IL19: variants seen among roughly 807,000 people sequenced by gnomAD.
IL19 encodes the protein interleukin 19.
In IL19, 15 loss-of-function variants were observed where a neutral mutation model predicts 19.5. The ratio of observed to expected loss-of-function variants is 0.77; its 90% CI spans 0.52 to 1.19. The LOEUF is 1.19. Ranked by LOEUF, IL19 falls within the 50% of genes most tolerant of loss-of-function variation. The pLI is 0.00. For synonymous variants in IL19, 78 were observed against 78.3 expected (o/e 1.00, Z 0.02); for missense variants, 199 against 213.1 (o/e 0.93, Z 0.41).
chr1:206,805,071 A>G (rs1675811472), intron 2 of IL19, among the ~76,000 whole-genome samples: 1 of 152,238 alleles, frequency 6.6e-6, no homozygotes, highest in African/African-American at 2.4e-5. Context: ...CTTCTAGAGT[A>G]CACACCTGTA....
At chr1:206,799,054 G>A in intron 2 of IL19, 48 bp downstream of exon 2, 1 of 1,253,490 alleles carries the variant, frequency 8.0e-7, no homozygotes, top group Non-Finnish European at 1.2e-6. Flanking sequence ...CCATTCTCTG[G>A]GACCAGAGAT....
At chr1:206,782,359 C>T (rs1424463449) in intron 1 of IL19, among the ~76,000 whole-genome samples, 1 of 151,970 alleles carries the variant, frequency 6.6e-6, no homozygotes, top group Non-Finnish European at 1.5e-5. Flanking sequence ...AGAATTTTCC[C>T]CTGGAAAAGG....
chr1:206,839,639 A>T (rs562005311), intron 4 of IL19, among the ~76,000 whole-genome samples: 1 of 152,330 alleles, frequency 6.6e-6, no homozygotes, highest in Admixed American at 6.5e-5. Context: ...CCATACAGAA[A>T]AAGGGGAGAA....
At chr1:206,824,253 A>G (rs1572567861) in intron 2 of IL19, among the ~76,000 whole-genome samples, 1 of 152,336 alleles carries the variant, frequency 6.6e-6, no homozygotes, top group Non-Finnish European at 1.5e-5. Context: ...TGATCCTTCA[A>G]TCATTGAGCC....
At position 206,770,904 on chromosome 1, in the gene IL19, T is replaced by C; in HGVS notation, c.-323T>C. The C allele has an allele frequency of 6.2e-7, 1 of 1,613,962 alleles. No individual in the cohort carries two copies. The highest frequency in any genetic ancestry group is 8.5e-7 in the Non-Finnish European group (1 of 1,179,856). The stretch of plus-strand genomic sequence containing the variant: ...CAAGGGAAAAAACTGATCTGCTACT[T>C]ACACAGCGCCGTAGCCTCAGCCTGA... On this transcript the variant is annotated 5_prime_UTR_variant, in exon 1 of 7. Coordinates refer to ENST00000659997, the MANE Select transcript of IL19 (RefSeq NM_153758.5).
chr1:206,771,159 C>T, intron 1 of IL19, 81 bp downstream of exon 1: 1 of 1,384,378 alleles, frequency 7.2e-7, no homozygotes, highest in Admixed American at 1.7e-5. Context: ...TCTAGCGATC[C>T]TCCTTCACCA....
chr1:206,797,084 A>G (rs1191636723), intron 1 of IL19, among the ~76,000 whole-genome samples: 1 of 152,158 alleles, frequency 6.6e-6, no homozygotes, highest in Non-Finnish European at 1.5e-5. Context: ...GTCAGCCTCT[A>G]AGGGTCAGGG....
intron 4 of IL19, 50 bp downstream of exon 4, chr1:206,837,073 T>A: frequency 6.9e-7 from 1 of 1,451,344 alleles, no homozygotes; most frequent in South Asian, 1.2e-5. Context: ...CATGTCTAAA[T>A]GGCTCTGGGC....
rs1366418768 is a variant in IL19 at position 206,775,353 on chromosome 1, G to A, written c.-149+4275G>A. On this transcript the variant is annotated intron_variant, in intron 1 of 6. Transcript: ENST00000659997. The stretch of plus-strand genomic sequence containing the variant: ...AGGCATGAGCCACTGTGCCCGGCCC[G>A]GATCTGACTTCTTTATTTGTTCTGA... Among the ~76,000 whole-genome samples, 7 of 152,064 alleles carry A rather than the reference G, an allele frequency of 4.6e-5. No homozygotes were observed. The South Asian group carries it at 6.2e-4, about 14-fold the overall frequency.
chr1:206,819,906 TG>T (rs1348593269), intron 2 of IL19, among the ~76,000 whole-genome samples: 1 of 152,234 alleles, frequency 6.6e-6, no homozygotes, highest in Non-Finnish European at 1.5e-5. Flanking sequence ...AGTTACTAAC[TG>T]GTATACCTAA....
At chr1:206,821,059 A>C (rs2138992) in intron 2 of IL19, among the ~76,000 whole-genome samples, 110,891 of 152,086 alleles carry the variant, frequency 0.73, 41,098 homozygotes, top group Non-Finnish European at 0.8. Flanking sequence ...CAAAGCACTT[A>C]TACCACTGTA....
intron 2 of IL19, among the ~76,000 whole-genome samples, chr1:206,827,149 C>G (rs1461535387): frequency 6.6e-6 from 1 of 151,896 alleles, no homozygotes; most frequent in African/African-American, 2.4e-5. Context: ...TAGCAAAGGA[C>G]AGACTGAATA....
At chr1:206,829,236 A>G (rs1346335753) in intron 2 of IL19, 1 of 152,188 alleles carries the variant, frequency 6.6e-6, no homozygotes, top group Non-Finnish European at 1.5e-5. Flanking sequence ...CAAGACACCC[A>G]GTTAACTTGG....
At chr1:206,788,434 A>G (rs1675315657) in intron 1 of IL19, among the ~76,000 whole-genome samples, 1 of 152,234 alleles carries the variant, frequency 6.6e-6, no homozygotes, top group African/African-American at 2.4e-5. Flanking sequence ...ATTTTATAGT[A>G]GCGCAAAATA....
chr1:206,772,128 A>G, intron 1 of IL19: 1 of 768,134 alleles, frequency 1.3e-6, no homozygotes, highest in Non-Finnish European at 2.3e-6. Flanking sequence ...TTGATCTAGG[A>G]TTCTCTTAAG....
chr1:206,791,777 C>A (rs1222209309), intron 1 of IL19, among the ~76,000 whole-genome samples: 1 of 152,234 alleles, frequency 6.6e-6, no homozygotes, highest in Non-Finnish European at 1.5e-5. Context: ...CCTGTAAAAG[C>A]CCCGTTTTCT....
intron 1 of IL19, among the ~76,000 whole-genome samples, chr1:206,788,957 CTGGG>C (rs1443386499): frequency 6.6e-6 from 1 of 152,194 alleles, no homozygotes; most frequent in Non-Finnish European, 1.5e-5. Context: ...AGGAGCTTTC[CTGGG>C]TCTGGTCAGT....
At chr1:206,772,906 G>A (rs1674895068) in intron 1 of IL19, among the ~76,000 whole-genome samples, 1 of 152,112 alleles carries the variant, frequency 6.6e-6, no homozygotes, top group African/African-American at 2.4e-5. Context: ...CCCCAACCTG[G>A]GATGAATACC....
chr1:206,807,212 G>T (rs1348987790), intron 2 of IL19, among the ~76,000 whole-genome samples: 1 of 152,104 alleles, frequency 6.6e-6, no homozygotes, highest in Non-Finnish European at 1.5e-5. Flanking sequence ...CTCCCACCAG[G>T]TCCCTCCCAT....
Sources: gnomAD v4.1 joint callset for allele counts (sites outside exome capture counted in the v4.1 genomes callset) on GRCh38, gnomAD v4.1.1 for gene constraint, MANE v1.5 for transcripts, NCBI Gene and HGNC (gene_info 2026-07-23, HGNC 2026-07-21) for gene names.